Variants in MTMR3 observed in about 807,000 individuals in gnomAD.
MTMR3 encodes the protein phosphatidylinositol-3,5-bisphosphate 3-phosphatase MTMR3.
MTMR3 carries 32 observed loss-of-function variants against 132.4 expected under a neutral mutation model. The observed-to-expected ratio is 0.24, with a 90% CI of 0.18 to 0.32. MTMR3 has a LOEUF of 0.32. MTMR3 is among the 10% of genes least tolerant of loss of function. The pLI is 1.00. For synonymous variants in MTMR3, 556 were observed against 550.3 expected (o/e 1.01, Z -0.14); for missense variants, 1,216 against 1,489.6 (o/e 0.82, Z 3.02).
chr22:30,002,007 T>G (rs2067185675), intron 8 of MTMR3: 1 of 152,138 alleles, frequency 6.6e-6, no homozygotes, highest in South Asian at 2.1e-4. Context: ...TTGGTGGAGT[T>G]TGTGTGTTTT....
Position 30,019,460 on chromosome 22 carries a change from C to T in MTMR3, c.1821-20C>T, listed in dbSNP as rs751051279. 3 of 1,575,238 alleles carry T rather than the reference C, an allele frequency of 1.9e-6. No individual in the cohort carries two copies. Among genetic ancestry groups the T allele is most frequent in the Non-Finnish European group, 2.6e-6 (3 of 1,164,580 alleles). On this transcript the variant is annotated intron_variant, in intron 16 of 19. Transcript: ENST00000401950. The stretch of plus-strand genomic sequence containing the variant: ...AACAGTTTCCAAGATTTTCATTTCC[C>T]CCAAATTCCTTTCCTTTAGGCTACC...
At chr22:30,022,257 T>C in intron 18 of MTMR3, 118 bp downstream of exon 18, 1 of 776,536 alleles carries the variant, frequency 1.3e-6, no homozygotes, top group South Asian at 1.6e-5. Context: ...CAGCTAGCCC[T>C]GAGCCTCTGG....
intron 3 of MTMR3, among the ~76,000 whole-genome samples, chr22:29,976,914 T>C (rs1460450634): frequency 1.3e-5 from 2 of 152,222 alleles, no homozygotes; most frequent in Non-Finnish European, 2.9e-5. Flanking sequence ...TGTTAAGTAG[T>C]GTACACAGAA....
At chr22:29,971,888 C>T (rs547846542) in intron 3 of MTMR3, among the ~76,000 whole-genome samples, 1 of 152,238 alleles carries the variant, frequency 6.6e-6, no homozygotes, top group Admixed American at 6.5e-5. Context: ...TGTGATGTTT[C>T]CTAGATCCAA....
intron 19 of MTMR3, chr22:30,023,753 G>T (rs1019232681): frequency 2.1e-6 from 1 of 469,504 alleles, no homozygotes; most frequent in African/African-American, 2.0e-5. Flanking sequence ...CTTGTCTTCT[G>T]GTCTTGTAGG....
At chr22:29,972,314 C>T (rs1324410653) in intron 3 of MTMR3, among the ~76,000 whole-genome samples, 1 of 152,056 alleles carries the variant, frequency 6.6e-6, no homozygotes, top group Non-Finnish European at 1.5e-5. Context: ...CATTGTATAC[C>T]ACACGGCTAG....
chr22:29,892,968 G>C (rs1199114601), intron 1 of MTMR3, among the ~76,000 whole-genome samples: 1 of 152,136 alleles, frequency 6.6e-6, no homozygotes, highest in Non-Finnish European at 1.5e-5. Flanking sequence ...ACTTGCTTGA[G>C]ACCACATGCC....
intron 1 of MTMR3, among the ~76,000 whole-genome samples, chr22:29,950,919 G>A (rs555403396): frequency 6.6e-6 from 1 of 152,266 alleles, no homozygotes; most frequent in African/African-American, 2.4e-5. Context: ...TTGGGAGGCC[G>A]AGGCAGGTGG....
intron 17 of MTMR3, 32 bp from the exon 18 acceptor site, chr22:30,021,997 C>A: frequency 6.5e-7 from 1 of 1,540,480 alleles, no homozygotes; most frequent in South Asian, 1.1e-5. Context: ...AGACCAGGTT[C>A]ATTCTGTTCA....
chr22:30,022,748 C>T (rs776275984), intron 19 of MTMR3, 51 bp downstream of exon 19: 53 of 1,500,776 alleles, frequency 3.5e-5, no homozygotes, highest in African/African-American at 6.9e-5. Flanking sequence ...GGTTGAGGGT[C>T]GGCCCACAGA....
At chr22:29,951,705 C>A (rs1024285336) in intron 1 of MTMR3, among the ~76,000 whole-genome samples, 1 of 152,078 alleles carries the variant, frequency 6.6e-6, no homozygotes, top group African/African-American at 2.4e-5. Flanking sequence ...TAGAACCTTT[C>A]CCACATTAAA....
At chr22:30,015,790 G>C (rs565853846) in intron 14 of MTMR3, 1 of 152,264 alleles carries the variant, frequency 6.6e-6, no homozygotes, top group East Asian at 1.9e-4. Flanking sequence ...ACCTCTCTAG[G>C]TTCATTTCCT....
At chr22:30,008,762 A>G in intron 11 of MTMR3, 1 of 376,984 alleles carries the variant, frequency 2.7e-6, no homozygotes, top group Non-Finnish European at 4.7e-6. Flanking sequence ...TTAAAAAATA[A>G]TAGCTTTTAT....
chr22:30,023,370 C>G, intron 19 of MTMR3: 6 of 1,351,562 alleles, frequency 4.4e-6, no homozygotes, highest in Non-Finnish European at 6.4e-6. Flanking sequence ...AATGATGCTT[C>G]TAGGACATGT....
intron 1 of MTMR3, among the ~76,000 whole-genome samples, chr22:29,950,954 C>G (rs573799883): frequency 6.7e-6 from 1 of 149,954 alleles, no homozygotes; most frequent in African/African-American, 2.4e-5. Flanking sequence ...AGATGGAGAC[C>G]ATCCTGGCCC....
chr22:30,017,227 C>A (rs2067616792), intron 15 of MTMR3: 1 of 154,840 alleles, frequency 6.5e-6, no homozygotes, highest in Admixed American at 6.3e-5. Context: ...GGAATGAATA[C>A]CTTCTGTTAA....
At chr22:29,933,320 T>G (rs1394619198) in intron 1 of MTMR3, among the ~76,000 whole-genome samples, 4 of 151,896 alleles carry the variant, frequency 2.6e-5, no homozygotes, top group Non-Finnish European at 5.9e-5. Flanking sequence ...AAAAAAACTG[T>G]GAAGAATGTT....
chr22:30,028,894 T>C lies in MTMR3; in HGVS notation c.*3093T>C, dbSNP rs1258827107. The C allele has an allele frequency of 6.6e-6, 1 of 152,386 alleles. No homozygotes were observed. Among genetic ancestry groups the C allele is most frequent in the Non-Finnish European group, 1.5e-5 (1 of 68,050 alleles). The allele number at this position is 152,386 out of a possible 1,614,324, so 9.4% of individuals were successfully genotyped here. On this transcript the variant is annotated 3_prime_UTR_variant, in exon 20 of 20. Transcript: ENST00000401950. Reference sequence around the variant, plus strand: ...CCAGGCAGCCCAGTCTGTGTATTCATATGAAGTTGTGAAAACCATGAGTGT... The same window carrying C: ...CCAGGCAGCCCAGTCTGTGTATTCACATGAAGTTGTGAAAACCATGAGTGT...
At chr22:29,967,171 A>G (rs1053292073) in intron 2 of MTMR3, among the ~76,000 whole-genome samples, 1 of 147,378 alleles carries the variant, frequency 6.8e-6, no homozygotes, top group Non-Finnish European at 1.5e-5. Context: ...GAGTTTGATT[A>G]TATTGTTACT....
Sources: gnomAD v4.1 joint callset for allele counts (sites outside exome capture counted in the v4.1 genomes callset) on GRCh38, gnomAD v4.1.1 for gene constraint, MANE v1.5 for transcripts, NCBI Gene and HGNC (gene_info 2026-07-23, HGNC 2026-07-21) for gene names.